The following LIPC variants were observed in gnomAD, a reference collection of about 807,000 sequenced individuals.
The protein encoded by LIPC is hepatic triacylglycerol lipase.
Under a neutral mutation model 50.7 loss-of-function variants are expected in LIPC, and 44 were observed. That is an observed-to-expected ratio of 0.87 (90% confidence interval 0.68 to 1.11). The LOEUF (loss-of-function observed/expected upper bound fraction) is 1.11. Among genes scored for constraint, LIPC ranks in the 50% most tolerant of loss-of-function variants. The probability of loss-of-function intolerance (pLI) is 0.00; values close to 1 mark genes in which losing one functional copy is unlikely to be tolerated. For synonymous variants in LIPC, 271 were observed against 256.4 expected, an observed-to-expected ratio of 1.06 and a Z score of -0.54; for missense variants, 697 against 648.2, an observed-to-expected ratio of 1.08 and a Z score of -0.82.
intron 1 of LIPC, among the ~76,000 whole-genome samples, chr15:58,493,636 A>G (rs1891665879): frequency 6.8e-6 from 1 of 146,370 alleles, no homozygotes; most frequent in Admixed American, 6.8e-5. Context: ...TAAAATTTAT[A>G]CAAAATTTAT....
intron 1 of LIPC, among the ~76,000 whole-genome samples, chr15:58,459,542 G>C (rs373993484): frequency 6.6e-6 from 1 of 151,968 alleles, no homozygotes; most frequent in African/African-American, 2.4e-5. Flanking sequence ...ACCCGCTCCT[G>C]AAAACAGAAA....
chr15:58,461,674 T>A (rs1426045017), intron 1 of LIPC, among the ~76,000 whole-genome samples: 2 of 151,878 alleles, frequency 1.3e-5, no homozygotes, highest in Non-Finnish European at 2.9e-5. Context: ...TGCCTTGGCC[T>A]CCCAGAATGC....
intron 1 of LIPC, among the ~76,000 whole-genome samples, chr15:58,496,074 T>A (rs1049546773): frequency 6.6e-6 from 1 of 152,084 alleles, no homozygotes; most frequent in Non-Finnish European, 1.5e-5. Context: ...ACCCAAGCCT[T>A]CTCATCCCTA....
chr15:58,437,113 TGATGAAGTTCA>T (rs1178128568), intron 1 of LIPC, among the ~76,000 whole-genome samples: 3 of 152,138 alleles, frequency 2.0e-5, no homozygotes, highest in Admixed American at 1.3e-4. Flanking sequence ...GGGGCAATAA[TGATGAAGTTCA>T]GAAACAAAAG....
chr15:58,509,035 G>A (rs4613005), intron 1 of LIPC, among the ~76,000 whole-genome samples: 47,188 of 152,006 alleles, frequency 0.31, 8,137 homozygotes, highest in Admixed American at 0.41. Flanking sequence ...CTAAAGGAAT[G>A]AAGGAACAAA....
At chr15:58,510,109 TG>T (rs1316705450) in intron 1 of LIPC, among the ~76,000 whole-genome samples, 4 of 152,248 alleles carry the variant, frequency 2.6e-5, no homozygotes, top group African/African-American at 9.6e-5. Flanking sequence ...GAGTACCTTC[TG>T]AATGCCAACA....
At chr15:58,506,784 G>A (rs1243355907) in intron 1 of LIPC, among the ~76,000 whole-genome samples, 2 of 152,126 alleles carry the variant, frequency 1.3e-5, no homozygotes, top group Non-Finnish European at 2.9e-5. Context: ...CAGGTGTGGG[G>A]GTGTGTTAGT....
intron 1 of LIPC, among the ~76,000 whole-genome samples, chr15:58,475,276 C>T (rs1000611285): frequency 6.6e-6 from 1 of 152,218 alleles, no homozygotes. Flanking sequence ...TCTTCCACAC[C>T]ATAATCCAGG....
intron 6 of LIPC, among the ~76,000 whole-genome samples, chr15:58,558,046 C>T (rs527963677): frequency 2.4e-4 from 37 of 151,346 alleles, no homozygotes; most frequent in African/African-American, 9.0e-4. Flanking sequence ...GGACCCTTCC[C>T]AGGACTTGCG....
At chr15:58,490,133 T>C (rs193302281) in intron 1 of LIPC, among the ~76,000 whole-genome samples, 139 of 152,240 alleles carry the variant, frequency 9.1e-4, no homozygotes, top group African/African-American at 3.1e-3. Context: ...ACTGGGAAAA[T>C]GAGTCTCGAG....
chr15:58,491,863 C>T (rs1891597259), intron 1 of LIPC, among the ~76,000 whole-genome samples: 1 of 152,198 alleles, frequency 6.6e-6, no homozygotes, highest in Non-Finnish European at 1.5e-5. Flanking sequence ...AGAAACACTG[C>T]CTGCCACGTG....
At chr15:58,532,353 A>G (rs1347830654) in intron 1 of LIPC, among the ~76,000 whole-genome samples, 1 of 152,204 alleles carries the variant, frequency 6.6e-6, no homozygotes, top group African/African-American at 2.4e-5. Flanking sequence ...TGACCACAGA[A>G]GCCAGGGACA....
At chr15:58,470,369 T>C (rs1177248566) in intron 1 of LIPC, among the ~76,000 whole-genome samples, 1 of 152,176 alleles carries the variant, frequency 6.6e-6, no homozygotes, top group African/African-American at 2.4e-5. Flanking sequence ...AAAGGGTATA[T>C]AGTAATAAGT....
chr15:58,542,830 A>G (rs1213211488), intron 4 of LIPC, among the ~76,000 whole-genome samples, 179 bp downstream of exon 4: 1 of 152,246 alleles, frequency 6.6e-6, no homozygotes, highest in Admixed American at 6.5e-5. Context: ...TTGCTGTTCC[A>G]GAGAATTCAG....
intron 6 of LIPC, among the ~76,000 whole-genome samples, chr15:58,552,928 G>A (rs1893815539): frequency 6.6e-6 from 1 of 152,152 alleles, no homozygotes; most frequent in African/African-American, 2.4e-5. Context: ...CCTGCAGGTG[G>A]GTCTCAAAAC....
chr15:58,545,598 G>C (rs566911821), intron 4 of LIPC, 144 bp from the exon 5 acceptor site: 1 of 686,870 alleles, frequency 1.5e-6, no homozygotes, highest in African/African-American at 1.8e-5. Flanking sequence ...AGGTTACGGC[G>C]AGGTTTTCTA....
intron 1 of LIPC, among the ~76,000 whole-genome samples, chr15:58,457,960 C>T (rs1195155702): frequency 6.6e-6 from 1 of 152,134 alleles, no homozygotes; most frequent in African/African-American, 2.4e-5. Context: ...TCAAGGGCTC[C>T]TAGAGTGCAT....
intron 1 of LIPC, among the ~76,000 whole-genome samples, chr15:58,516,564 T>C (rs34522258): frequency 0.094 from 14,254 of 152,228 alleles, 924 homozygotes; most frequent in South Asian, 0.14. Context: ...TCTGTTGCTG[T>C]GAATTCAAGT....
chr15:58,432,016 C>A lies in LIPC; in HGVS notation c.-17C>A, dbSNP rs1190881217. On this transcript the variant is annotated 5_prime_UTR_variant, in exon 1 of 9. Transcript: ENST00000299022. ...AGAAATTACCAAGAAAGCCTGGACC[C>A]CGGGTGAAACGGAGAAATGGACACA... 2 of 1,597,088 alleles carry A rather than the reference C, an allele frequency of 1.3e-6. No homozygotes were observed. The highest frequency in any genetic ancestry group is 1.7e-6 in the Non-Finnish European group (2 of 1,164,640).
Sources: allele counts gnomAD v4.1 joint callset (sites outside exome capture counted in the v4.1 genomes callset), GRCh38; gene constraint gnomAD v4.1.1; transcripts MANE v1.5; gene names NCBI Gene and HGNC (gene_info 2026-07-23, HGNC 2026-07-21).